TVP23A: variants seen among roughly 807,000 people sequenced by gnomAD.
The protein encoded by TVP23A is Golgi apparatus membrane protein TVP23 homolog A.
TVP23A carries 21 observed loss-of-function variants against 31.7 expected under a neutral mutation model. The observed-to-expected ratio is 0.66, with a 90% confidence interval of 0.47 to 0.95. The LOEUF (loss-of-function observed/expected upper bound fraction) is 0.95. Among genes scored for constraint, TVP23A ranks in the 40% least tolerant of loss-of-function variants. The pLI is 0.00. For missense variants in TVP23A, 279 were observed against 255.6 expected (o/e 1.09, Z -0.62); for synonymous variants, 104 against 96.0 (o/e 1.08, Z -0.49).
downstream of TVP23A, among the ~76,000 whole-genome samples, chr16:10,760,528 T>C (rs550428984): frequency 7.9e-5 from 12 of 152,298 alleles, no homozygotes; most frequent in South Asian, 2.5e-3. Flanking sequence ...GGAGGATCAC[T>C]TCACACCAGA....
rs1035209781 is a variant in TVP23A at position 10,779,714 on chromosome 16, G to A, written c.90-4618C>T. On this transcript the variant is annotated intron_variant, in intron 2 of 7. Coordinates refer to ENST00000299866, the MANE Select transcript of TVP23A (RefSeq NM_001079512.4). This position sits in a 1 kb window ranked among gnomAD's most constrained non-coding sequence, Gnocchi z 4.9. Reference sequence around the variant, plus strand: ...GGAGAAGACCTAGAAAATATCGCCAGGCCAACTTAAAATTACCAAGTTTTC... The same window carrying A: ...GGAGAAGACCTAGAAAATATCGCCAAGCCAACTTAAAATTACCAAGTTTTC... Among the ~76,000 whole-genome samples the A allele has an allele frequency of 2.6e-5, 4 of 152,198 alleles. No homozygotes were observed.
intron 2 of TVP23A, among the ~76,000 whole-genome samples, chr16:10,806,010 C>G (rs957446437): frequency 1.6e-4 from 24 of 152,050 alleles, no homozygotes; most frequent in African/African-American, 5.6e-4. Flanking sequence ...ATGACCTGGC[C>G]CCAAATGGCA....
intron 2 of TVP23A, among the ~76,000 whole-genome samples, chr16:10,776,269 G>A (rs1199081538): frequency 6.6e-6 from 1 of 151,942 alleles, no homozygotes; most frequent in Non-Finnish European, 1.5e-5. Context: ...CAGCTACTCG[G>A]AAGGCTGAGG....
chr16:10,789,777 A>C (rs1309130799), intron 2 of TVP23A, among the ~76,000 whole-genome samples: 1 of 150,946 alleles, frequency 6.6e-6, no homozygotes, highest in Non-Finnish European at 1.5e-5. Flanking sequence ...GTTGCAGTGA[A>C]CTAAGATTGT....
At position 10,789,731 on chromosome 16, in the gene TVP23A, A is replaced by C. The variant is rs1460750831; in HGVS notation, c.90-14635T>G. ...GTGCCTGTAATCCCAGCTACTTGGG[A>C]GGCTGAGGCAAAAGGCTTGAACCCA... On this transcript the variant is annotated intron_variant, in intron 2 of 7. Coordinates refer to ENST00000299866, the MANE Select transcript of TVP23A (RefSeq NM_001079512.4). 2.8e-5 allele frequency among the ~76,000 whole-genome samples: 4 copies of C among 143,698 alleles called. No homozygotes were observed. The East Asian group carries it at 8.9e-4, about 32-fold the overall frequency. 94.3% of individuals were successfully genotyped at this position (143,698 alleles called of 152,430 possible). A position where few individuals can be genotyped will look rare whatever the true frequency, so the allele number is the denominator to read the frequency against.
At chr16:10,773,867 G>A (rs556500313) in intron 4 of TVP23A, among the ~76,000 whole-genome samples, 172 bp downstream of exon 4, 12 of 152,228 alleles carry the variant, frequency 7.9e-5, no homozygotes, top group East Asian at 5.8e-4. Flanking sequence ...CACCACGCCC[G>A]GTCTATTTTG....
At chr16:10,807,338 C>G (rs183139360) in intron 2 of TVP23A, among the ~76,000 whole-genome samples, 2 of 152,134 alleles carry the variant, frequency 1.3e-5, no homozygotes, top group South Asian at 4.1e-4. Context: ...CCTTCCTTGC[C>G]CCCCACACCT....
At chr16:10,794,549 T>A (rs761140881) in intron 2 of TVP23A, among the ~76,000 whole-genome samples, 74 of 151,960 alleles carry the variant, frequency 4.9e-4, no homozygotes, top group Non-Finnish European at 5.4e-4. Context: ...AGAAAATAAG[T>A]GAGGTAGGAA....
At chr16:10,787,551 G>T (rs2032839361) in intron 2 of TVP23A, among the ~76,000 whole-genome samples, 3 of 152,130 alleles carry the variant, frequency 2.0e-5, no homozygotes, top group Admixed American at 1.3e-4. Flanking sequence ...TTAGGGTTGG[G>T]GGGGCAGCCT....
chr16:10,775,335 C>G, intron 2 of TVP23A: 1 of 1,330,020 alleles, frequency 7.5e-7, no homozygotes, highest in East Asian at 3.0e-5. Flanking sequence ...CCAGTACTTT[C>G]CCGCCACTTG....
chr16:10,817,790 C>G (rs1304294749), intron 2 of TVP23A, among the ~76,000 whole-genome samples: 8 of 152,328 alleles, frequency 5.3e-5, no homozygotes, highest in Admixed American at 6.5e-5. Flanking sequence ...CTCAGAGAGG[C>G]CCTCCATGGC....
At chr16:10,759,061 C>T (rs1900764553), downstream of TVP23A, among the ~76,000 whole-genome samples, 1 of 152,200 alleles carries the variant, frequency 6.6e-6, no homozygotes, top group African/African-American at 2.4e-5. This position sits in a 1 kb window ranked among gnomAD's most constrained non-coding sequence, Gnocchi z 4.7. Context: ...TTAAGAAAGC[C>T]CAGCAAAGGA....
At position 10,774,025 on chromosome 16, in the gene TVP23A, G is replaced by A. The variant is rs199873122; in HGVS notation, c.324+14C>T. On this transcript the variant is annotated intron_variant, in intron 4 of 7. Coordinates refer to ENST00000299866, the MANE Select transcript of TVP23A (RefSeq NM_001079512.4). The stretch of plus-strand genomic sequence containing the variant: ...ATCCCCGCTCTGGTTAGTTCAGCTC[G>A]TCATGGAGAATACCTTCCTGGCTTC... 4.1e-5 allele frequency: 65 copies of A among 1,601,960 alleles called. No individual in the cohort carries two copies. Among genetic ancestry groups the A allele is most frequent in the Non-Finnish European group, 5.2e-5 (61 of 1,172,438 alleles).
intron 2 of TVP23A, among the ~76,000 whole-genome samples, chr16:10,816,228 CAAAAA>C (rs760801777): frequency 2.7e-5 from 2 of 73,838 alleles, no homozygotes; most frequent in Non-Finnish European, 3.3e-5. Flanking sequence ...AACCCTATCT[CAAAAA>C]AAAAAAAAAA....
rs550431966 is a variant in TVP23A, at chr16:10,818,284, G to A, written c.10-102C>T. ...CTTGGACTCCACTTGCACCCCACCG[G>A]GTTCCCAAGTGGACCCTCCGAGCTG... On this transcript the variant is annotated intron_variant, in intron 1 of 7. Transcript: ENST00000299866. This position sits in a 1 kb window ranked among gnomAD's most constrained non-coding sequence, Gnocchi z 4.7. 5.7e-6 allele frequency: 7 copies of A among 1,219,840 alleles called. No individual in the cohort carries two copies. The East Asian group carries it at 1.9e-4, about 33-fold the overall frequency. The allele number at this position is 1,219,840 out of a possible 1,614,324, so 75.6% of individuals were successfully genotyped here.
At chr16:10,815,915 T>C (rs1448394816) in intron 2 of TVP23A, among the ~76,000 whole-genome samples, 2 of 151,976 alleles carry the variant, frequency 1.3e-5, no homozygotes, top group African/African-American at 4.8e-5. Flanking sequence ...GGATGAATAA[T>C]AGCCTCCGAA....
At chr16:10,776,029 A>G (rs112684763) in intron 2 of TVP23A, among the ~76,000 whole-genome samples, 1 of 151,508 alleles carries the variant, frequency 6.6e-6, no homozygotes, top group Non-Finnish European at 1.5e-5. Context: ...GATTACAGGC[A>G]TAAGCAACCA....
At chr16:10,774,172 GA>G in intron 3 of TVP23A, 44 bp from the exon 4 acceptor site, 1 of 1,464,450 alleles carries the variant, frequency 6.8e-7, no homozygotes, top group Non-Finnish European at 9.4e-7. Flanking sequence ...CACAGGCAAA[GA>G]GGCTTATTCA....
At chr16:10,761,044 T>C (rs991700697), downstream of TVP23A, 9 of 257,570 alleles carry the variant, frequency 3.5e-5, no homozygotes. Context: ...AGAGAGAGTG[T>C]GTAGGAGGAA....
Sources: allele counts gnomAD v4.1 joint callset (sites outside exome capture counted in the v4.1 genomes callset), GRCh38; gene constraint gnomAD v4.1.1; non-coding constraint Gnocchi (gnomAD v3.1); transcripts MANE v1.5; gene names NCBI Gene and HGNC (gene_info 2026-07-23, HGNC 2026-07-21).